TMEM108: variants seen among roughly 807,000 people sequenced by gnomAD.
TMEM108 encodes the protein transmembrane protein 108, also known as cancer/testis antigen 124.
In TMEM108, 12 loss-of-function variants were observed where a neutral mutation model predicts 35.1. The ratio of observed to expected loss-of-function variants is 0.34; its 90% CI spans 0.22 to 0.55. The LOEUF (loss-of-function observed/expected upper bound fraction) is 0.55, where lower values mean the gene tolerates loss of function less well. Among genes scored for constraint, TMEM108 ranks in the 20% least tolerant of loss-of-function variants. The pLI, the probability that TMEM108 is intolerant of heterozygous loss-of-function variation, is 0.89. For synonymous variants in TMEM108, 287 were observed against 308.6 expected (o/e 0.93, Z 0.73); for missense variants, 680 against 753.3 (o/e 0.90, Z 1.14).
chr3:133,200,516 C>T (rs779922702), intron 2 of TMEM108, among the ~76,000 whole-genome samples: 4 of 152,086 alleles, frequency 2.6e-5, no homozygotes, highest in Admixed American at 6.6e-5. Flanking sequence ...TGTCCCTGGT[C>T]GGAGAAGAAT....
At chr3:133,070,815 G>T (rs953264091) in intron 2 of TMEM108, among the ~76,000 whole-genome samples, 6 of 151,114 alleles carry the variant, frequency 4.0e-5, no homozygotes, top group African/African-American at 1.5e-4. Flanking sequence ...GTCTCTTGTC[G>T]TTAAAAAAGA....
At chr3:133,374,432 A>C (rs555223066) in intron 3 of TMEM108, among the ~76,000 whole-genome samples, 1 of 152,240 alleles carries the variant, frequency 6.6e-6, no homozygotes, top group African/African-American at 2.4e-5. Flanking sequence ...TTATGAAAAA[A>C]AGATAAAATT....
At position 133,397,548 on chromosome 3, in the gene TMEM108, A is replaced by C. The variant is rs554549219; in HGVS notation, c.*1562A>C. ...TAATTTTCTAGCGTGTTGTTGTCTTACCTTTTTAACCTTACCATAATATTT... is the reference window on the plus strand; with the variant it reads ...TAATTTTCTAGCGTGTTGTTGTCTTCCCTTTTTAACCTTACCATAATATTT... On this transcript the variant is annotated 3_prime_UTR_variant, in exon 6 of 6. Coordinates refer to ENST00000321871, the MANE Select transcript of TMEM108 (RefSeq NM_023943.4). The C allele has an allele frequency of 6.6e-6, 1 of 152,296 alleles. No individual in the cohort carries two copies. Among genetic ancestry groups the C allele is most frequent in the South Asian group, 2.1e-4 (1 of 4,828 alleles). The allele number at this position is 152,296 out of a possible 1,614,324, so 9.4% of individuals were successfully genotyped here.
At chr3:133,164,519 T>G (rs1056293167) in intron 2 of TMEM108, among the ~76,000 whole-genome samples, 1 of 152,158 alleles carries the variant, frequency 6.6e-6, no homozygotes, top group South Asian at 2.1e-4. Context: ...ACTGAACTTG[T>G]AGTGAGAATC....
intron 3 of TMEM108, among the ~76,000 whole-genome samples, chr3:133,298,182 C>G (rs1409610067): frequency 1.3e-5 from 2 of 152,120 alleles, no homozygotes; most frequent in Non-Finnish European, 2.9e-5. Context: ...CTTCATCTGT[C>G]TTTCTCTTTG....
chr3:133,367,760 A>G (rs1048035124), intron 3 of TMEM108, among the ~76,000 whole-genome samples: 3 of 152,208 alleles, frequency 2.0e-5, no homozygotes, highest in Non-Finnish European at 4.4e-5. Context: ...GCCCTTCCTC[A>G]GGTAGGCCTG....
At chr3:133,242,619 T>C (rs962752354) in intron 3 of TMEM108, among the ~76,000 whole-genome samples, 4 of 152,220 alleles carry the variant, frequency 2.6e-5, no homozygotes, top group African/African-American at 9.6e-5. Context: ...CACGTGATTC[T>C]CATGCTCACA....
At chr3:133,298,786 A>G (rs1947179809) in intron 3 of TMEM108, among the ~76,000 whole-genome samples, 1 of 152,220 alleles carries the variant, frequency 6.6e-6, no homozygotes, top group African/African-American at 2.4e-5. Flanking sequence ...AGCTGTGCTC[A>G]TAACCACTAT....
At chr3:133,296,404 CATGGGGATTTATATTTATGCACAA>C (rs1251669095) in intron 3 of TMEM108, among the ~76,000 whole-genome samples, 2 of 152,180 alleles carry the variant, frequency 1.3e-5, no homozygotes, top group Non-Finnish European at 2.9e-5. Context: ...TTAGAACCCT[CATGGGGATTTATATTTATGCACAA>C]AGAAATCACA....
At chr3:133,086,290 G>A (rs1035257685) in intron 2 of TMEM108, among the ~76,000 whole-genome samples, 8 of 151,918 alleles carry the variant, frequency 5.3e-5, no homozygotes, top group South Asian at 2.1e-4. Context: ...TTAATCTCTC[G>A]AGCATTTGAG....
chr3:133,124,967 TAAAG>T (rs1315154716), intron 2 of TMEM108: 1 of 152,028 alleles, frequency 6.6e-6, no homozygotes, highest in African/African-American at 2.4e-5. Context: ...GTGGGGAAAA[TAAAG>T]AGCAGATTAA....
intron 3 of TMEM108, among the ~76,000 whole-genome samples, chr3:133,274,154 G>A (rs967451879): frequency 2.6e-5 from 4 of 152,132 alleles, no homozygotes; most frequent in East Asian, 1.9e-4. Flanking sequence ...TCTGCACAGC[G>A]GATGCATGCC....
intron 3 of TMEM108, chr3:133,248,731 G>A (rs1251870959): frequency 1.3e-5 from 2 of 152,132 alleles, no homozygotes; most frequent in Non-Finnish European, 2.9e-5. Context: ...TATAAGCTGA[G>A]GAATCTGTAG....
intron 2 of TMEM108, among the ~76,000 whole-genome samples, chr3:133,074,043 T>TCCCAAGTAA (rs1396405118): frequency 3.9e-5 from 6 of 152,228 alleles, no homozygotes; most frequent in African/African-American, 1.4e-4. Flanking sequence ...AGTCAACTTT[T>TCCCAAGTAA]CCCAAGTAAT....
At chr3:133,150,629 T>G (rs867377730) in intron 2 of TMEM108, among the ~76,000 whole-genome samples, 1 of 152,076 alleles carries the variant, frequency 6.6e-6, no homozygotes, top group Non-Finnish European at 1.5e-5. Context: ...TAAGAATAAT[T>G]AGAGAATTAG....
intron 2 of TMEM108, among the ~76,000 whole-genome samples, chr3:133,077,836 G>A (rs1943760243): frequency 6.6e-6 from 1 of 152,084 alleles, no homozygotes; most frequent in Admixed American, 6.6e-5. Flanking sequence ...AGAGTAAATA[G>A]GTACTTGGCC....
intron 2 of TMEM108, among the ~76,000 whole-genome samples, chr3:133,130,790 G>A (rs1278335784): frequency 2.0e-5 from 3 of 152,144 alleles, no homozygotes; most frequent in Non-Finnish European, 4.4e-5. Context: ...ATGTGCTGGT[G>A]CCCAAACCAG....
At chr3:133,311,368 C>T (rs916794709) in intron 3 of TMEM108, among the ~76,000 whole-genome samples, 2 of 152,216 alleles carry the variant, frequency 1.3e-5, no homozygotes, top group African/African-American at 4.8e-5. Flanking sequence ...TAGATTTGGT[C>T]TTTTCACATA....
intron 2 of TMEM108, among the ~76,000 whole-genome samples, chr3:133,085,630 A>G: frequency 6.6e-6 from 1 of 152,170 alleles, no homozygotes; most frequent in Non-Finnish European, 1.5e-5. Context: ...CTTCAGTCTG[A>G]TTCCTTTGTC....
Sources: allele counts gnomAD v4.1 joint callset (sites outside exome capture counted in the v4.1 genomes callset), GRCh38; gene constraint gnomAD v4.1.1; transcripts MANE v1.5; gene names NCBI Gene and HGNC (gene_info 2026-07-23, HGNC 2026-07-21).